Variants in SNTG2 observed in about 807,000 individuals in gnomAD.
The protein encoded by SNTG2 is gamma-2-syntrophin.
A neutral mutation model predicts 70.9 loss-of-function variants in SNTG2; 74 were observed. The ratio of observed to expected loss-of-function variants is 1.04; its 90% CI spans 0.86 to 1.27. The LOEUF (loss-of-function observed/expected upper bound fraction) is 1.27, where lower values mean the gene tolerates loss of function less well. Among genes scored for constraint, SNTG2 ranks in the 50% most tolerant of loss-of-function variants. SNTG2 has a pLI of 0.00. For missense variants in SNTG2, 717 were observed against 690.7 expected (o/e 1.04, Z -0.43); for synonymous variants, 278 against 273.8 (o/e 1.02, Z -0.15).
At chr2:1,164,107 T>G (rs1182702788) in intron 6 of SNTG2, among the ~76,000 whole-genome samples, 2 of 152,116 alleles carry the variant, frequency 1.3e-5, no homozygotes, top group African/African-American at 4.8e-5. Flanking sequence ...ACCCAAACTG[T>G]GGGTAGGCTT....
chr2:1,018,647 C>A (rs1205306078), intron 1 of SNTG2, among the ~76,000 whole-genome samples: 3 of 152,152 alleles, frequency 2.0e-5, no homozygotes, highest in Non-Finnish European at 4.4e-5. Context: ...GCGTGAACTT[C>A]TCACCTGGTT....
intron 8 of SNTG2, among the ~76,000 whole-genome samples, chr2:1,197,389 A>C (rs551179619): frequency 6.6e-6 from 1 of 150,496 alleles, no homozygotes; most frequent in East Asian, 2.0e-4. Flanking sequence ...GATCTTTATA[A>C]AATGATAAAA....
At chr2:1,139,720 T>G (rs2147770279) in intron 6 of SNTG2, among the ~76,000 whole-genome samples, 1 of 151,888 alleles carries the variant, frequency 6.6e-6, no homozygotes. Context: ...CCCCAGCTAC[T>G]TAGGAGGCTG....
rs200515751 is a variant in SNTG2, at chr2:995,821, C to T, written c.72+44753C>T. On this transcript the variant is annotated intron_variant, in intron 1 of 16. Coordinates refer to ENST00000308624, the MANE Select transcript of SNTG2 (RefSeq NM_018968.4). The stretch of plus-strand genomic sequence containing the variant: ...CCGCACTTTCTTTGACTTATTACTT[C>T]CTTCCTCTCTACAAAGAGCAGCACA... 7.2e-5 allele frequency among the ~76,000 whole-genome samples: 11 copies of T among 152,096 alleles called. No individual in the cohort carries two copies. In the East Asian group the frequency reaches 2.1e-3, roughly 29 times the overall value.
chr2:1,067,207 T>G lies in SNTG2; in HGVS notation c.73-16311T>G, dbSNP rs139402074. Among the ~76,000 whole-genome samples the G allele has an allele frequency of 1.6e-4, 25 of 152,228 alleles. No individual in the cohort carries two copies. The East Asian group carries it at 4.6e-3, about 28-fold the overall frequency. Reference sequence around the variant, plus strand: ...TAACCACATTTACCGAAGAATGTATTCCAGTATCAAATGGCAAATTCCAAC... The same window carrying G: ...TAACCACATTTACCGAAGAATGTATGCCAGTATCAAATGGCAAATTCCAAC... On this transcript the variant is annotated intron_variant, in intron 1 of 16. Coordinates refer to ENST00000308624, the MANE Select transcript of SNTG2 (RefSeq NM_018968.4).
chr2:1,077,089 C>T (rs1416354372), intron 1 of SNTG2, among the ~76,000 whole-genome samples: 1 of 152,156 alleles, frequency 6.6e-6, no homozygotes, highest in East Asian at 1.9e-4. Context: ...TTCTCAGTAT[C>T]ACCTATAAAT....
chr2:1,099,757 G>C (rs1248746961), intron 4 of SNTG2, among the ~76,000 whole-genome samples: 1 of 152,216 alleles, frequency 6.6e-6, no homozygotes, highest in Admixed American at 6.5e-5. Context: ...GATTGCCCCA[G>C]TGGGATTTGG....
chr2:1,324,364 C>T (rs1681675401), intron 16 of SNTG2, among the ~76,000 whole-genome samples: 1 of 151,952 alleles, frequency 6.6e-6, no homozygotes, highest in African/African-American at 2.4e-5. Context: ...AGAAGTAAAA[C>T]AATAAGACAT....
At chr2:1,026,163 T>TTTG (rs990114256) in intron 1 of SNTG2, among the ~76,000 whole-genome samples, 1 of 152,144 alleles carries the variant, frequency 6.6e-6, no homozygotes, top group Non-Finnish European at 1.5e-5. Context: ...TTTTGAAAAG[T>TTTG]TTGTTGTTGT....
intron 4 of SNTG2, among the ~76,000 whole-genome samples, chr2:1,101,063 C>G (rs1325528693): frequency 6.6e-6 from 1 of 152,216 alleles, no homozygotes; most frequent in African/African-American, 2.4e-5. Flanking sequence ...TCAGACCATG[C>G]TGATGCCATT....
chr2:1,262,644 C>T (rs1205680371), intron 13 of SNTG2, among the ~76,000 whole-genome samples: 1 of 152,112 alleles, frequency 6.6e-6, no homozygotes, highest in African/African-American at 2.4e-5. Context: ...AGGCTCAGTC[C>T]AGACGTAGTA....
At chr2:1,133,703 ATTTT>A (rs10547436) in intron 4 of SNTG2, among the ~76,000 whole-genome samples, 90,142 of 151,590 alleles carry the variant, frequency 0.59, 27,471 homozygotes, top group African/African-American at 0.71. Flanking sequence ...CCACTTTTTA[ATTTT>A]TTTTAAGGCT....
intron 1 of SNTG2, among the ~76,000 whole-genome samples, chr2:1,054,450 T>C (rs1662265544): frequency 6.6e-6 from 1 of 152,238 alleles, no homozygotes; most frequent in Non-Finnish European, 1.5e-5. Context: ...TATGGCTCTC[T>C]ATTTGACTGA....
chr2:1,001,086 C>G (rs1198598259), intron 1 of SNTG2, among the ~76,000 whole-genome samples: 1 of 151,790 alleles, frequency 6.6e-6, no homozygotes, highest in Non-Finnish European at 1.5e-5. Flanking sequence ...ATAATAAAAC[C>G]CTGAACAAGC....
At chr2:1,352,023 G>C (rs1558225812) in intron 16 of SNTG2, among the ~76,000 whole-genome samples, 1 of 152,228 alleles carries the variant, frequency 6.6e-6, no homozygotes, top group East Asian at 1.9e-4. Flanking sequence ...GAGGTCCCTG[G>C]CCCTGCAGAG....
intron 9 of SNTG2, among the ~76,000 whole-genome samples, chr2:1,217,690 GA>G: frequency 6.6e-6 from 1 of 152,266 alleles, no homozygotes; most frequent in South Asian, 2.1e-4. Context: ...ATTGTATGTA[GA>G]AATGTATGTA....
At chr2:1,083,720 A>T in intron 2 of SNTG2, 65 bp downstream of exon 2, 1 of 1,580,516 alleles carries the variant, frequency 6.3e-7, no homozygotes. Flanking sequence ...CGGTCTTTGA[A>T]AAGTGTGGTT....
chr2:1,330,239 A>G lies in SNTG2; in HGVS notation c.1488+13864A>G, dbSNP rs182376085. On this transcript the variant is annotated intron_variant, in intron 16 of 16. Transcript: ENST00000308624. ...TATACATGGGTCCCCTAAAAGGTCA[A>G]AAGCAATATAAATAATTTAAACAAA... Among the ~76,000 whole-genome samples, 648 of 152,380 alleles carry G rather than the reference A, an allele frequency of 4.3e-3. 7 individuals carry two copies. The highest frequency in any genetic ancestry group is 0.015 in the African/African-American group (607 of 41,588).
rs1660688227 is a variant in SNTG2 at position 1,353,430 on chromosome 2, C to T, written c.1489-13913C>T. ...CGTGATTGTTGCATTTCATCCTATA[C>T]TTCTTGGGCTTATTCTAAGACAAAC... On this transcript the variant is annotated intron_variant, in intron 16 of 16. Transcript: ENST00000308624. This position sits in a 1 kb window ranked among gnomAD's most constrained non-coding sequence, Gnocchi z 4.2. 6.6e-6 allele frequency among the ~76,000 whole-genome samples: 1 copy of T among 152,214 alleles called. No individual in the cohort carries two copies. The highest frequency in any genetic ancestry group is 1.5e-5 in the Non-Finnish European group (1 of 68,046).
Sources: allele counts gnomAD v4.1 joint callset (sites outside exome capture counted in the v4.1 genomes callset), GRCh38; gene constraint gnomAD v4.1.1; non-coding constraint Gnocchi (gnomAD v3.1); transcripts MANE v1.5; gene names NCBI Gene and HGNC (gene_info 2026-07-23, HGNC 2026-07-21).